The following ZZEF1 variants were observed in gnomAD, a reference collection of about 807,000 sequenced individuals.
ZZEF1 encodes zinc finger ZZ-type and EF-hand domain containing 1.
A neutral mutation model predicts 342.8 loss-of-function variants in ZZEF1; 157 were observed. The observed-to-expected ratio is 0.46, with a 90% CI of 0.40 to 0.52. The LOEUF (loss-of-function observed/expected upper bound fraction) is 0.52. Among genes scored for constraint, ZZEF1 ranks in the 20% least tolerant of loss-of-function variants. ZZEF1 has a pLI of 0.00. For synonymous variants in ZZEF1, 1,505 were observed against 1,429.1 expected, an observed-to-expected ratio of 1.05 and a Z score of -1.20; for missense variants, 3,480 against 3,725.6, an observed-to-expected ratio of 0.93 and a Z score of 1.72.
rs147086880 is a variant in ZZEF1, at chr17:4,132,448, C to T, written c.355-8397G>A. ...ATCCACCTGCCTCCGCCTGTAATCC[C>T]AGCACTTTGGGAGGTCAAGGTGGGC... On this transcript the variant is annotated intron_variant, in intron 1 of 54. Transcript: ENST00000381638. 3.6e-3 allele frequency among the ~76,000 whole-genome samples: 550 copies of T among 152,290 alleles called. 2 individuals are homozygous for T. The highest frequency in any genetic ancestry group is 0.012 in the African/African-American group (516 of 41,570).
intron 43 of ZZEF1, among the ~76,000 whole-genome samples, chr17:4,024,303 T>G (rs994048790): frequency 6.7e-6 from 1 of 149,686 alleles, no homozygotes; most frequent in East Asian, 2.0e-4. Context: ...GTTCAAGTGA[T>G]TCTCATGCCT....
chr17:4,121,600 G>A (rs1333806478), intron 2 of ZZEF1, among the ~76,000 whole-genome samples: 6 of 152,154 alleles, frequency 3.9e-5, no homozygotes, highest in Non-Finnish European at 8.8e-5. Context: ...TCCAGCCTGG[G>A]TGACAGAGCA....
chr17:4,083,458 T>C lies in ZZEF1; in HGVS notation c.2647-954A>G, dbSNP rs1011869615. ...CTCAGGCTGATATGCAAATTTTATA[T>C]ATAGCTGGAATTACACAAACAAATA... On this transcript the variant is annotated intron_variant, in intron 16 of 54. Transcript: ENST00000381638. 2.0e-5 allele frequency among the ~76,000 whole-genome samples: 3 copies of C among 152,154 alleles called. No individual in the cohort carries two copies. The South Asian group carries it at 6.2e-4, about 32-fold the overall frequency.
chr17:4,036,176 G>A (rs1311715117), intron 39 of ZZEF1, among the ~76,000 whole-genome samples: 1 of 151,792 alleles, frequency 6.6e-6, no homozygotes, highest in Non-Finnish European at 1.5e-5. Flanking sequence ...GTAATTATAC[G>A]AAGGATGATG....
rs1189503592 is a variant in ZZEF1, at chr17:4,126,637, T to C, written c.355-2586A>G. Among the ~76,000 whole-genome samples, 3 of 152,148 alleles carry C rather than the reference T, an allele frequency of 2.0e-5. No homozygotes were observed. In the East Asian group the frequency reaches 5.8e-4, roughly 29 times the overall value. On this transcript the variant is annotated intron_variant, in intron 1 of 54. Coordinates refer to ENST00000381638, the MANE Select transcript of ZZEF1 (RefSeq NM_015113.4). ...TAACAGGTGCTGTGGAAAGTGGATG[T>C]AAGTGGTAAAAAGCCTATTTTAAAA...
intron 1 of ZZEF1, among the ~76,000 whole-genome samples, chr17:4,134,446 C>T (rs1208978841): frequency 6.6e-6 from 1 of 150,976 alleles, no homozygotes; most frequent in South Asian, 2.1e-4. Flanking sequence ...GGCACACAGT[C>T]CTTTCCCTTC....
In ZZEF1 at chr17:4,072,682, A is replaced by C. The variant is rs1242511148; in HGVS notation, c.3760T>G (p.Phe1254Val). The change falls in exon 25 of 55, where the codon TTC becomes GTC. Residue 1254 changes from phenylalanine to valine, a missense_variant. This residue lies in a region of ZZEF1 where 1,528 missense variants were observed against 1,624.1 expected (regional missense o/e 0.94). Coordinates refer to ENST00000381638, the MANE Select transcript of ZZEF1 (RefSeq NM_015113.4). ...AACTCTGGACAAACCTGATGCCTGA[A>C]GACAGGTTTCCACAGTGGGGAGCTT... is the stretch of plus-strand genomic sequence containing the variant. ...VLSSPLWKPV[F>V]RHQVCPELEL... 1.9e-6 allele frequency: 3 copies of C among 1,614,132 alleles called. No individual in the cohort carries two copies. Among genetic ancestry groups the C allele is most frequent in the Non-Finnish European group, 2.5e-6 (3 of 1,179,970 alleles).
At chr17:4,072,858 T>TAA in intron 24 of ZZEF1, 102 bp from the exon 25 acceptor site, 1 of 1,234,366 alleles carries the variant, frequency 8.1e-7, no homozygotes, top group Non-Finnish European at 1.1e-6. Context: ...TGGATACTAT[T>TAA]AAAACTTAGA....
chr17:4,006,897 T>C lies in ZZEF1; in HGVS notation c.8879A>G (p.Glu2960Gly), dbSNP rs750899295. Residue 2960 changes from glutamate to glycine, a missense_variant, in exon 55 of 55, where the codon GAG (glutamate) becomes GGG (glycine). By Grantham distance (98) the Glu-to-Gly change is moderately conservative. Transcript: ENST00000381638. ...TGCACGCCCCACCAAGGGCTAACAC[T>C]CCACATTCCAGAGGCGGGTGGCCTT... is the stretch of plus-strand genomic sequence containing the variant. ...PNKATRLWNV[E>G]C The C allele has an allele frequency of 3.1e-6, 5 of 1,589,304 alleles. No individual in the cohort carries two copies. Among genetic ancestry groups the C allele is most frequent in the African/African-American group, 2.7e-5 (2 of 74,590 alleles).
chr17:4,066,563 T>A (rs1454051340), intron 27 of ZZEF1, 23 bp from the exon 28 acceptor site: 1 of 1,609,500 alleles, frequency 6.2e-7, no homozygotes, highest in African/African-American at 1.3e-5. Flanking sequence ...TTGAGCCACA[T>A]CATTATGCTG....
At chr17:4,139,562 A>G (rs2058808910) in intron 1 of ZZEF1, among the ~76,000 whole-genome samples, 1 of 152,242 alleles carries the variant, frequency 6.6e-6, no homozygotes, top group South Asian at 2.1e-4. Flanking sequence ...AAGTATGCAC[A>G]AAAGTATATA....
Position 4,092,088 on chromosome 17 carries a change from A to AATAAT in ZZEF1, c.1914-1259_1914-1258insATTAT, listed in dbSNP as rs55949924. ...CGAAACTCCACCTCAAAAAAAAAAA[A>AATAAT]AATAATAAAAATAATATAAATAAAT... On this transcript the variant is annotated intron_variant, in intron 11 of 54. Coordinates refer to ENST00000381638, the MANE Select transcript of ZZEF1 (RefSeq NM_015113.4). Among the ~76,000 whole-genome samples, 893 of 144,992 alleles carry AATAAT rather than the reference A, an allele frequency of 6.2e-3. 17 individuals are homozygous for AATAAT. The highest frequency in any genetic ancestry group is 0.021 in the African/African-American group (848 of 39,650).
At position 4,009,132 on chromosome 17, in the gene ZZEF1, G is replaced by A. The variant is rs769070895; in HGVS notation, c.8734-178C>T. The A allele has an allele frequency of 1.4e-4, 106 of 746,262 alleles. 1 individual carries two copies. Among genetic ancestry groups the A allele is most frequent in the South Asian group, 1.9e-4 (10 of 53,730 alleles). 46.2% of individuals were successfully genotyped at this position (746,262 alleles called of 1,614,324 possible). ...GAACCCTGGCGGGAGCCAGGTGCCCGGTGCCGGGGTCACCTTTGCCTCCAC... is the reference window on the plus strand; with the variant it reads ...GAACCCTGGCGGGAGCCAGGTGCCCAGTGCCGGGGTCACCTTTGCCTCCAC... On this transcript the variant is annotated intron_variant, in intron 53 of 54. Transcript: ENST00000381638.
intron 1 of ZZEF1, among the ~76,000 whole-genome samples, chr17:4,133,001 G>A (rs2058693832): frequency 6.6e-6 from 1 of 152,118 alleles, no homozygotes; most frequent in Non-Finnish European, 1.5e-5. Context: ...GAAGAAGGAG[G>A]TGGCACAGAG....
intron 1 of ZZEF1, among the ~76,000 whole-genome samples, chr17:4,134,905 T>C (rs77587950): frequency 2.0e-4 from 30 of 152,130 alleles, no homozygotes; most frequent in African/African-American, 7.2e-4. Flanking sequence ...GGAGAGGCAA[T>C]CTCAGGTAGA....
chr17:4,017,404 G>A lies in ZZEF1; in HGVS notation c.7968C>T (p.Phe2656=), dbSNP rs764105280. 3 of 1,605,848 alleles carry A rather than the reference G, an allele frequency of 1.9e-6. No homozygotes were observed. The South Asian group carries it at 3.3e-5, about 18-fold the overall frequency. ...ACTCATGCTTTTCTTCCAGCTGCAT[G>A]AACATATCCAAAATGTAGGTCATAT... ...PAHMTYILDM[F]MQLEEKHEWE... The change falls in exon 48 of 55, where the codon TTC becomes TTT. Residue 2656 remains phenylalanine (F), a synonymous_variant. Transcript: ENST00000381638. The surrounding 1 kb of genome is among the most constrained non-coding windows in gnomAD (Gnocchi z 5.1).
chr17:4,043,405 C>T (rs997964295), intron 38 of ZZEF1, among the ~76,000 whole-genome samples: 3 of 152,202 alleles, frequency 2.0e-5, no homozygotes, highest in African/African-American at 7.2e-5. Flanking sequence ...CAGAATTATA[C>T]ACACTGCATA....
chr17:4,022,897 C>CA, intron 43 of ZZEF1, 69 bp from the exon 44 acceptor site: 1 of 1,569,780 alleles, frequency 6.4e-7, no homozygotes, highest in Non-Finnish European at 8.7e-7. Flanking sequence ...AGCTGTAACT[C>CA]AGTCTGTTCA....
intron 11 of ZZEF1, among the ~76,000 whole-genome samples, chr17:4,093,040 T>C (rs8066378): frequency 0.17 from 25,322 of 152,024 alleles, 2,174 homozygotes; most frequent in East Asian, 0.18. Context: ...GGTGAATATG[T>C]AGGCCAACAA....
Sources: gnomAD v4.1 joint callset for allele counts (sites outside exome capture counted in the v4.1 genomes callset) on GRCh38, gnomAD v4.1.1 for gene constraint, gnomAD v4.1.1 regional missense constraint, Gnocchi (gnomAD v3.1) non-coding constraint, MANE v1.5 for transcripts, NCBI Gene and HGNC (gene_info 2026-07-23, HGNC 2026-07-21) for gene names.